The following FAT4 variants were observed in gnomAD, a reference collection of about 807,000 sequenced individuals.
FAT4 encodes protocadherin Fat 4.
FAT4 carries 84 observed loss-of-function variants against 303.9 expected under a neutral mutation model. The observed-to-expected ratio is 0.28, with a 90% CI of 0.23 to 0.33. The LOEUF (loss-of-function observed/expected upper bound fraction) is 0.33. Ranked by LOEUF, FAT4 falls within the 10% of genes least tolerant of loss-of-function variation. The pLI is 1.00. For synonymous variants in FAT4, 2,307 were observed against 2,298.8 expected (o/e 1.00, Z -0.10); for missense variants, 6,005 against 6,146.8 (o/e 0.98, Z 0.77).
intron 7 of FAT4, among the ~76,000 whole-genome samples, chr4:125,418,893 T>A (rs1294117530): frequency 1.3e-4 from 1 of 7,594 alleles, no homozygotes; most frequent in Admixed American, 1.5e-3. Flanking sequence ...TTTTCTCATA[T>A]GTGCAATAAA....
intron 2 of FAT4, among the ~76,000 whole-genome samples, chr4:125,326,743 A>C (rs866496245): frequency 6.6e-6 from 1 of 152,178 alleles, no homozygotes; most frequent in Non-Finnish European, 1.5e-5. Flanking sequence ...TTGTTGCTTA[A>C]AAAGCATTTA....
rs370443103 is a variant in FAT4 at position 125,398,833 on chromosome 4, C to T, written c.5225C>T (p.Thr1742Met). The change falls in exon 3 of 18, where the codon ACG becomes ATG. Residue 1742 changes from threonine to methionine, a missense_variant. Thr to Met is a moderately conservative substitution (Grantham distance 81, BLOSUM62 -1). Transcript: ENST00000394329. The part of the protein sequence containing the change: ...DINDNPPVFP[T>M]DMLDLTVEEN... Reference sequence around the variant, plus strand: ...AATGACAATCCACCAGTATTTCCAACGGACATGCTGGATCTCACGGTAGAG... The same window carrying T: ...AATGACAATCCACCAGTATTTCCAATGGACATGCTGGATCTCACGGTAGAG... 13 of 1,612,408 alleles carry T rather than the reference C, an allele frequency of 8.1e-6. No homozygotes were observed. The highest frequency in any genetic ancestry group is 8.0e-5 in the African/African-American group (6 of 74,830).
At position 125,475,901 on chromosome 4, in the gene FAT4, C is replaced by T. The variant is rs67399037; in HGVS notation, c.12214-270C>T. Among the ~76,000 whole-genome samples, 56,355 of 151,792 alleles carry T rather than the reference C, an allele frequency of 0.37. 10,683 individuals are homozygous for T. Among genetic ancestry groups the T allele is most frequent in the East Asian group, 0.58 (3,001 of 5,154 alleles). ...GATTAACGGCATTTTTATCTTTTTT[C>T]ACCTATAAAACAGGGGAGCAGGAGA... On this transcript the variant is annotated intron_variant, in intron 12 of 17. Transcript: ENST00000394329.
intron 2 of FAT4, among the ~76,000 whole-genome samples, chr4:125,392,364 C>T (rs1323090089): frequency 6.6e-6 from 1 of 151,994 alleles, no homozygotes; most frequent in East Asian, 1.9e-4. Context: ...ATTATTTTTG[C>T]CACTAAACAA....
chr4:125,415,929 A>G, intron 6 of FAT4, 123 bp downstream of exon 6: 1 of 728,266 alleles, frequency 1.4e-6, no homozygotes, highest in Non-Finnish European at 2.2e-6. Context: ...TAAATGCTCA[A>G]TTGCAGATAC....
intron 10 of FAT4, among the ~76,000 whole-genome samples, chr4:125,459,374 A>G (rs1163505387): frequency 6.6e-6 from 1 of 152,064 alleles, no homozygotes; most frequent in African/African-American, 2.4e-5. Context: ...TCAACACGTC[A>G]TCACATCTTC....
chr4:125,413,241 T>G (rs1192451077), intron 5 of FAT4, among the ~76,000 whole-genome samples: 1 of 151,844 alleles, frequency 6.6e-6, no homozygotes, highest in Non-Finnish European at 1.5e-5. Context: ...TGAAATAAGC[T>G]GTTAACCTTG....
Position 125,401,591 on chromosome 4 carries a change from G to T in FAT4, c.5307+2676G>T, listed in dbSNP as rs1221697485. 5.3e-5 allele frequency among the ~76,000 whole-genome samples: 8 copies of T among 151,856 alleles called. No homozygotes were observed. In the South Asian group the frequency reaches 1.7e-3, roughly 32 times the overall value. On this transcript the variant is annotated intron_variant, in intron 3 of 17. Transcript: ENST00000394329. The stretch of plus-strand genomic sequence containing the variant: ...AGTATGCTATAGGAACTCTTGTAGG[G>T]CACTGTAGAACAAAGCCTGGGTAAA...
intron 9 of FAT4, among the ~76,000 whole-genome samples, chr4:125,447,765 C>T (rs1168224099): frequency 6.6e-6 from 1 of 152,106 alleles, no homozygotes; most frequent in African/African-American, 2.4e-5. Context: ...CATTGGCACT[C>T]AGTCTAAGCA....
chr4:125,433,323 C>A (rs2126043181), intron 7 of FAT4, among the ~76,000 whole-genome samples: 1 of 152,230 alleles, frequency 6.6e-6, no homozygotes, highest in South Asian at 2.1e-4. Context: ...GTATCTTAAG[C>A]AGAAAAGGAG....
At chr4:125,358,799 G>A (rs1305094505) in intron 2 of FAT4, among the ~76,000 whole-genome samples, 1 of 152,088 alleles carries the variant, frequency 6.6e-6, no homozygotes, top group Non-Finnish European at 1.5e-5. Context: ...CGTTTTCTAT[G>A]TTTGTGAAGA....
At chr4:125,349,477 C>T (rs1732135434) in intron 2 of FAT4, among the ~76,000 whole-genome samples, 1 of 151,638 alleles carries the variant, frequency 6.6e-6, no homozygotes, top group Non-Finnish European at 1.5e-5. Context: ...CTTTTGTTTA[C>T]TGTGTTTCTC....
intron 2 of FAT4, among the ~76,000 whole-genome samples, chr4:125,349,143 A>G (rs1277662030): frequency 2.0e-5 from 3 of 151,820 alleles, no homozygotes; most frequent in African/African-American, 2.4e-5. Context: ...AAGAAAATAT[A>G]AAAGGCATTT....
chr4:125,315,645 G>A lies in FAT4; in HGVS notation c.-345G>A, dbSNP rs751402976. Among the ~76,000 whole-genome samples, 55 of 152,326 alleles carry A rather than the reference G, an allele frequency of 3.6e-4. No homozygotes were observed. The highest frequency in any genetic ancestry group is 6.2e-4 in the Non-Finnish European group (42 of 68,030). ...TGTGCCGGACCACGGGCTTGAAGCC[G>A]CAACAGGGGCGGCGGCGGCGGCGGC... On this transcript the variant is annotated 5_prime_UTR_variant, in exon 1 of 18. Coordinates refer to ENST00000394329, the MANE Select transcript of FAT4 (RefSeq NM_001291303.3).
intron 5 of FAT4, among the ~76,000 whole-genome samples, chr4:125,411,388 T>C (rs1393302507): frequency 1.3e-5 from 2 of 151,980 alleles, no homozygotes; most frequent in Non-Finnish European, 2.9e-5. Context: ...TATTTCGTTA[T>C]CCTATAAATT....
At chr4:125,390,245 A>C (rs938193688) in intron 2 of FAT4, among the ~76,000 whole-genome samples, 1 of 152,146 alleles carries the variant, frequency 6.6e-6, no homozygotes, top group Non-Finnish European at 1.5e-5. Flanking sequence ...CTCATGTTTA[A>C]GGTCAGGTCA....
At chr4:125,463,002 A>G (rs1252743548) in intron 10 of FAT4, among the ~76,000 whole-genome samples, 1 of 152,074 alleles carries the variant, frequency 6.6e-6, no homozygotes, top group Non-Finnish European at 1.5e-5. Context: ...CAAAGTATAC[A>G]TAATCTGTAG....
rs766879265 is a variant in FAT4 at position 125,318,061 on chromosome 4, G to C, written c.1650G>C (p.Leu550=). The change falls in exon 2 of 18, where the codon CTG becomes CTC. Residue 550 remains leucine (L), a synonymous_variant. Transcript: ENST00000394329. The part of the protein sequence containing the change: ...LDRELASQIV[L]NISARDQGVH... ...GTGAACTTGCTTCCCAGATTGTTCT[G>C]AATATAAGTGCCCGGGACCAGGGAG... 3 of 1,614,012 alleles carry C rather than the reference G, an allele frequency of 1.9e-6. No individual in the cohort carries two copies. The highest frequency in any genetic ancestry group is 2.2e-5 in the East Asian group (1 of 44,876).
At chr4:125,412,933 T>A (rs1734901188) in intron 5 of FAT4, among the ~76,000 whole-genome samples, 1 of 151,800 alleles carries the variant, frequency 6.6e-6, no homozygotes, top group Admixed American at 6.6e-5. Flanking sequence ...TATTTACTGA[T>A]GAACTTTTTT....
Sources: gnomAD v4.1 joint callset for allele counts (sites outside exome capture counted in the v4.1 genomes callset) on GRCh38, gnomAD v4.1.1 for gene constraint, MANE v1.5 for transcripts, NCBI Gene and HGNC (gene_info 2026-07-23, HGNC 2026-07-21) for gene names.